MTCL2: variants seen among roughly 807,000 people sequenced by gnomAD.
MTCL2 encodes the protein microtubule crosslinking factor 2, also known as microtubule cross-linking factor 2.
the MTCL2 span, chr20:36,808,789 C>A: frequency 1.0e-5 from 15 of 1,502,084 alleles, no homozygotes; most frequent in Non-Finnish European, 1.3e-5. Flanking sequence ...CCTGTCCTCT[C>A]CCCCACCCCT....
chr20:36,795,452 CTCTA>C, the MTCL2 span, among the ~76,000 whole-genome samples: 1 of 152,162 alleles, frequency 6.6e-6, no homozygotes, highest in Non-Finnish European at 1.5e-5. Flanking sequence ...CTCCACCATT[CTCTA>C]TCTGATGGTT....
the MTCL2 span, chr20:36,815,627 G>C: frequency 9.4e-6 from 15 of 1,603,736 alleles, no homozygotes; most frequent in Non-Finnish European, 1.2e-5. The surrounding 1 kb of genome is among the most constrained non-coding windows in gnomAD (Gnocchi z 5.3). Context: ...AGGAGGCGAG[G>C]TCACAGCGCT....
At chr20:36,842,712 C>T in the MTCL2 span, among the ~76,000 whole-genome samples, 1 of 152,152 alleles carries the variant, frequency 6.6e-6, no homozygotes, top group African/African-American at 2.4e-5. Context: ...GCAGAGGTTG[C>T]AGTGACCCAA....
At chr20:36,836,586 C>T in the MTCL2 span, among the ~76,000 whole-genome samples, 3 of 151,968 alleles carry the variant, frequency 2.0e-5, no homozygotes, top group Non-Finnish European at 2.9e-5. Context: ...TCAGGTGATC[C>T]ATCCGCCTCG....
the MTCL2 span, chr20:36,802,885 C>T: frequency 1.3e-6 from 2 of 1,576,568 alleles, no homozygotes; most frequent in Non-Finnish European, 1.7e-6. Context: ...AGCTCCTTCA[C>T]CTGCTGCTCC....
At chr20:36,830,371 G>C in the MTCL2 span, among the ~76,000 whole-genome samples, 1 of 152,112 alleles carries the variant, frequency 6.6e-6, no homozygotes, top group Non-Finnish European at 1.5e-5. Flanking sequence ...TTCGAGATGT[G>C]CCTGGGGAAC....
At chr20:36,840,883 G>A in the MTCL2 span, among the ~76,000 whole-genome samples, 6 of 151,928 alleles carry the variant, frequency 3.9e-5, no homozygotes, top group South Asian at 6.2e-4. Context: ...AACTATGTAC[G>A]TCCTAGGTAG....
At chr20:36,823,202 A>G in the MTCL2 span, among the ~76,000 whole-genome samples, 1 of 152,196 alleles carries the variant, frequency 6.6e-6, no homozygotes, top group Non-Finnish European at 1.5e-5. Context: ...GGGAGAAAAC[A>G]AAGAGTGTTT....
At chr20:36,841,878 T>TGTGGGG in the MTCL2 span, among the ~76,000 whole-genome samples, 1,278 of 76,520 alleles carry the variant, frequency 0.017, 20 homozygotes, top group Middle Eastern at 0.077. Flanking sequence ...GGGTGGGGTG[T>TGTGGGG]GTGTGTGTGT....
At chr20:36,824,738 C>T in the MTCL2 span, among the ~76,000 whole-genome samples, 3 of 151,952 alleles carry the variant, frequency 2.0e-5, no homozygotes, top group Non-Finnish European at 2.9e-5. Context: ...CTGCAACCTC[C>T]GTTTCCCAGG....
the MTCL2 span, chr20:36,839,422 C>T: frequency 9.9e-6 from 16 of 1,613,318 alleles, no homozygotes; most frequent in South Asian, 3.3e-5. This position sits in a 1 kb window ranked among gnomAD's most constrained non-coding sequence, Gnocchi z 5.1. Context: ...CATCTCGGCC[C>T]GCAGCTCCTC....
the MTCL2 span, chr20:36,859,722 G>T: frequency 4.9e-6 from 6 of 1,231,786 alleles, no homozygotes; most frequent in Non-Finnish European, 5.1e-6. Context: ...ACAAGGGGGA[G>T]GTAAGCCTGA....
At chr20:36,784,712 G>C in the MTCL2 span, 4 of 985,564 alleles carry the variant, frequency 4.1e-6, no homozygotes, top group Non-Finnish European at 4.8e-6. Context: ...CAATGGCTCA[G>C]GCAGCTCACA....
the MTCL2 span, among the ~76,000 whole-genome samples, chr20:36,830,474 G>A: frequency 2.0e-5 from 3 of 152,000 alleles, no homozygotes; most frequent in Non-Finnish European, 4.4e-5. Context: ...AGGCCAACAT[G>A]GAAGAATCAC....
At chr20:36,811,489 C>T in the MTCL2 span, among the ~76,000 whole-genome samples, 1 of 152,016 alleles carries the variant, frequency 6.6e-6, no homozygotes, top group Non-Finnish European at 1.5e-5. Context: ...ATTAGCTGGG[C>T]ATGGTGGCGC....
At chr20:36,785,469 T>C in the MTCL2 span, 57 of 985,302 alleles carry the variant, frequency 5.8e-5, no homozygotes, top group Non-Finnish European at 6.7e-5. Flanking sequence ...AGTCTACTGC[T>C]GTGTCCTGGG....
At chr20:36,827,166 A>C in the MTCL2 span, among the ~76,000 whole-genome samples, 4 of 151,598 alleles carry the variant, frequency 2.6e-5, no homozygotes, top group Non-Finnish European at 4.4e-5. Context: ...CTCCTGCCTC[A>C]GCCTCCCAAG....
the MTCL2 span, chr20:36,812,911 A>C: frequency 6.5e-7 from 1 of 1,544,462 alleles, no homozygotes; most frequent in Non-Finnish European, 8.7e-7. Flanking sequence ...GGGGTGCCAG[A>C]AACACCCACC....
chr20:36,786,734 C>T, the MTCL2 span: 85 of 1,203,484 alleles, frequency 7.1e-5, 2 homozygotes, highest in South Asian at 8.3e-4. Flanking sequence ...AACTGAGACT[C>T]GGCCATAAAC....
Sources: gnomAD v4.1 joint callset for allele counts (sites outside exome capture counted in the v4.1 genomes callset) on GRCh38, gnomAD v4.1.1 for gene constraint, Gnocchi (gnomAD v3.1) non-coding constraint, MANE v1.5 for transcripts, NCBI Gene and HGNC (gene_info 2026-07-23, HGNC 2026-07-21) for gene names.